The following PLPPR3 variants were observed in gnomAD, a reference collection of about 807,000 sequenced individuals.
The protein encoded by PLPPR3 is phospholipid phosphatase related 3.
PLPPR3 carries 14 observed loss-of-function variants against 27.3 expected under a neutral mutation model. The ratio of observed to expected loss-of-function variants is 0.51; its 90% CI spans 0.34 to 0.80. The LOEUF is 0.80. Among genes scored for constraint, PLPPR3 ranks in the 30% least tolerant of loss-of-function variants. The probability of loss-of-function intolerance (pLI) is 0.01; values close to 1 mark genes in which losing one functional copy is unlikely to be tolerated. For missense variants in PLPPR3, 1,287 were observed against 1,056.9 expected, an observed-to-expected ratio of 1.22 and a Z score of -3.02; for synonymous variants, 671 against 508.0, an observed-to-expected ratio of 1.32 and a Z score of -4.32.
At chr19:818,098 A>G (rs925469726) in intron 2 of PLPPR3, among the ~76,000 whole-genome samples, 3 of 151,962 alleles carry the variant, frequency 2.0e-5, no homozygotes, top group Non-Finnish European at 2.9e-5. Flanking sequence ...ATATCTAACC[A>G]TGGGCCGGGT....
At chr19:822,415 C>A (rs540667403), upstream of PLPPR3, among the ~76,000 whole-genome samples, 66 of 152,214 alleles carry the variant, frequency 4.3e-4, no homozygotes, top group African/African-American at 1.5e-3. Flanking sequence ...GCCCGCCGCT[C>A]GCTGGTGCGC....
rs1255280277 is a variant in PLPPR3, at chr19:814,434, C to G, written c.831G>C (p.Leu277=). 6.3e-7 allele frequency: 1 copy of G among 1,597,130 alleles called. No homozygotes were observed. The highest frequency in any genetic ancestry group is 1.7e-5 in the Admixed American group (1 of 59,624). ...ACCCCCATCAGAACCTGCCACTCAC[C>G]AGGTAGGCAGCGATGCCCGCCCCGA... ...FLIGAGIAAY[L]ACHAVGNFQA... The change falls in exon 7 of 8, where the codon CTG becomes CTC. Residue 277 remains leucine (L), a splice_region_variant and synonymous_variant. Transcript: ENST00000520876.
chr19:820,257 C>T (rs1018269765), intron 2 of PLPPR3, among the ~76,000 whole-genome samples: 1 of 152,128 alleles, frequency 6.6e-6, no homozygotes, highest in Admixed American at 6.6e-5. Flanking sequence ...GATCACAACT[C>T]ACTACAGCCT....
At chr19:821,841 G>A (rs895551304) in intron 1 of PLPPR3, 74 bp downstream of exon 1, 3 of 311,220 alleles carry the variant, frequency 9.6e-6, no homozygotes, top group South Asian at 1.3e-4. Context: ...TGGTGGTGGG[G>A]GGCATCCGGG....
intron 2 of PLPPR3, among the ~76,000 whole-genome samples, chr19:819,367 A>G (rs1036472579): frequency 1.3e-4 from 18 of 138,392 alleles, no homozygotes; most frequent in African/African-American, 5.0e-4. Context: ...TGCAACCTCC[A>G]CCTCCTGGGT....
rs757959111 is a variant in PLPPR3, at chr19:813,054, G to T, written c.1673C>A (p.Ser558Ter). The T allele has an allele frequency of 6.6e-7, 1 of 1,505,644 alleles. No homozygotes were observed. 93.3% of individuals were successfully genotyped at this position (1,505,644 alleles called of 1,614,324 possible). A position where few individuals can be genotyped will look rare whatever the true frequency, so the allele number is the denominator to read the frequency against. Residue 558 changes from serine to a stop codon, truncating the protein, a stop_gained, in exon 8 of 8, where the codon TCG (serine) becomes TAG (stop). Transcript: ENST00000520876. LOFTEE classifies it low-confidence loss of function (END_TRUNC). This position sits in a 1 kb window ranked among gnomAD's most constrained non-coding sequence, Gnocchi z 4.1. ...APGPKAAETA[S>*]SSSASSDSSQ... ...GGAGTCGGAGCTGGCGCTGGACGAC[G>T]ACGCCGTCTCGGCCGCCTTGGGGCC...
rs994298609 is a variant in PLPPR3 at position 821,910 on chromosome 19, C to T, written c.-27+5G>A. On this transcript the variant is annotated splice_donor_5th_base_variant and intron_variant, in intron 1 of 7. Coordinates refer to ENST00000520876, the MANE Select transcript of PLPPR3 (RefSeq NM_001270366.2). Reference sequence around the variant, plus strand: ...GTCCGCGCCCCCAGCCCCACAGCCCCTCACCTGGCGCGGCCGGCGCCCAGC... The same window carrying T: ...GTCCGCGCCCCCAGCCCCACAGCCCTTCACCTGGCGCGGCCGGCGCCCAGC... 1 of 193,322 alleles carries T rather than the reference C, an allele frequency of 5.2e-6. No individual in the cohort carries two copies. The allele number at this position is 193,322 out of a possible 1,614,324, so 12.0% of individuals were successfully genotyped here.
In PLPPR3 at chr19:815,100, G is replaced by C; in HGVS notation, c.404-19C>G. The C allele has an allele frequency of 6.2e-7, 1 of 1,601,612 alleles. No homozygotes were observed. Among genetic ancestry groups the C allele is most frequent in the Non-Finnish European group, 8.5e-7 (1 of 1,179,340 alleles). On this transcript the variant is annotated intron_variant, in intron 4 of 7. Coordinates refer to ENST00000520876, the MANE Select transcript of PLPPR3 (RefSeq NM_001270366.2). ...TGGACACCTGCAGGGCGGAAGGCTC[G>C]GCCAGGCGGGGAGCTGGGGACCCGG...
chr19:822,706 T>C (rs2035167151), upstream of PLPPR3, among the ~76,000 whole-genome samples: 1 of 152,118 alleles, frequency 6.6e-6, no homozygotes, highest in Non-Finnish European at 1.5e-5. Context: ...TCCTCCTCCA[T>C]ATGCGCAGCC....
chr19:818,107 G>A (rs1273775902), intron 2 of PLPPR3, among the ~76,000 whole-genome samples: 1 of 152,220 alleles, frequency 6.6e-6, no homozygotes, highest in East Asian at 1.9e-4. Flanking sequence ...CATGGGCCGG[G>A]TGCGGTGGCT....
chr19:812,817 A>G lies in PLPPR3; in HGVS notation c.1910T>C (p.Val637Ala), dbSNP rs1410049490. ...GTCGCTGACCGACGAGCCGGGGGAC[A>G]CGCCCGGGGGCTTGGCCCCGCCGCG... ...GFRGGAKPPG[V>A]SPGSSVSDVD... is the part of the protein sequence containing the mutation. The change falls in exon 8 of 8, where the codon GTG (valine) becomes GCG (alanine). Residue 637 changes from valine (V) to alanine (A), a missense_variant. Physicochemically the swap from Val to Ala is moderately conservative, Grantham distance 64. Transcript: ENST00000520876. 3 of 1,099,998 alleles carry G rather than the reference A, an allele frequency of 2.7e-6. No homozygotes were observed. The highest frequency in any genetic ancestry group is 1.7e-5 in the African/African-American group (1 of 58,354). The allele number at this position is 1,099,998 out of a possible 1,614,324, so 68.1% of individuals were successfully genotyped here. A position where few individuals can be genotyped will look rare whatever the true frequency, so the allele number is the denominator to read the frequency against.
intron 7 of PLPPR3, 34 bp downstream of exon 7, chr19:814,400 C>A: frequency 6.4e-7 from 1 of 1,560,492 alleles, no homozygotes; most frequent in Non-Finnish European, 8.7e-7. Flanking sequence ...CCCCTGGGAA[C>A]CCATGCCGAC....
chr19:817,044 C>T (rs1037162630), intron 2 of PLPPR3, among the ~76,000 whole-genome samples: 44 of 143,346 alleles, frequency 3.1e-4, no homozygotes, highest in African/African-American at 1.1e-3. Flanking sequence ...TCCACCTACT[C>T]ATCCATCTAC....
At chr19:814,389 T>G (rs1368258292) in intron 7 of PLPPR3, 45 bp downstream of exon 7, 1 of 1,528,258 alleles carries the variant, frequency 6.5e-7, no homozygotes, top group Non-Finnish European at 8.8e-7. Context: ...CCCCCTCAGA[T>G]CCCCTGGGAA....
Position 813,387 on chromosome 19 carries a change from T to G in PLPPR3, c.1340A>C (p.Glu447Ala), listed in dbSNP as rs749223631. The change falls in exon 8 of 8, where the codon GAG (glutamate) becomes GCG (alanine). Residue 447 changes from glutamate to alanine, a missense_variant. Glu to Ala is a moderately radical substitution (Grantham distance 107). Coordinates refer to ENST00000520876, the MANE Select transcript of PLPPR3 (RefSeq NM_001270366.2). The surrounding 1 kb of genome is among the most constrained non-coding windows in gnomAD (Gnocchi z 4.1). The part of the protein sequence containing the change: ...EPMAEEEEEE[E>A]DEEEEEEEEE... Reference sequence around the variant, plus strand: ...CTCCTCCTCCTCTTCCTCTTCGTCCTCCTCCTCTTCCTCCTCCTCCGCCAT... The same window carrying G: ...CTCCTCCTCCTCTTCCTCTTCGTCCGCCTCCTCTTCCTCCTCCTCCGCCAT... The G allele has an allele frequency of 2.0e-6, 3 of 1,499,272 alleles. No individual in the cohort carries two copies. In the African/African-American group the frequency reaches 4.3e-5, roughly 21 times the overall value. 92.9% of individuals were successfully genotyped at this position (1,499,272 alleles called of 1,614,324 possible).
chr19:816,538 A>C (rs2035060715), intron 2 of PLPPR3, among the ~76,000 whole-genome samples: 1 of 71,346 alleles, frequency 1.4e-5, no homozygotes, highest in Admixed American at 1.5e-4. Flanking sequence ...CCATGCCCCC[A>C]GTGGTACCCA....
At chr19:818,260 G>A (rs1321139760) in intron 2 of PLPPR3, among the ~76,000 whole-genome samples, 2 of 152,048 alleles carry the variant, frequency 1.3e-5, no homozygotes, top group African/African-American at 4.8e-5. Context: ...GTGCGTGCCT[G>A]TAGTCTCAGC....
chr19:814,302 A>G (rs1398228683), intron 7 of PLPPR3, 132 bp downstream of exon 7: 1 of 776,066 alleles, frequency 1.3e-6, no homozygotes, highest in South Asian at 2.0e-5. Flanking sequence ...CTCCCCTGTC[A>G]GACCCCCTGA....
chr19:814,419 G>C lies in PLPPR3; in HGVS notation c.831+15C>G. ...TGGGAACCCATGCCGACCCCCATCAGAACCTGCCACTCACCAGGTAGGCAG... is the reference window on the plus strand; with the variant it reads ...TGGGAACCCATGCCGACCCCCATCACAACCTGCCACTCACCAGGTAGGCAG... On this transcript the variant is annotated intron_variant, in intron 7 of 7. Coordinates refer to ENST00000520876, the MANE Select transcript of PLPPR3 (RefSeq NM_001270366.2). 1 of 1,588,142 alleles carries C rather than the reference G, an allele frequency of 6.3e-7. No individual in the cohort carries two copies. Among genetic ancestry groups the C allele is most frequent in the Non-Finnish European group, 8.6e-7 (1 of 1,169,556 alleles).
Sources: gnomAD v4.1 joint callset for allele counts (sites outside exome capture counted in the v4.1 genomes callset) on GRCh38, gnomAD v4.1.1 for gene constraint, Gnocchi (gnomAD v3.1) non-coding constraint, MANE v1.5 for transcripts, NCBI Gene and HGNC (gene_info 2026-07-23, HGNC 2026-07-21) for gene names.